Variants in CUBN observed in about 807,000 individuals in gnomAD.
The protein encoded by CUBN is 460 kDa receptor.
A neutral mutation model predicts 405.3 loss-of-function variants in CUBN; 282 were observed. That is an observed-to-expected ratio of 0.70 (90% confidence interval 0.63 to 0.77). The LOEUF is 0.77. CUBN is among the 30% of genes least tolerant of loss of function. The pLI is 0.00. For missense variants in CUBN, 4,514 were observed against 4,475.2 expected (o/e 1.01, Z -0.25); for synonymous variants, 1,684 against 1,617.0 (o/e 1.04, Z -0.99).
At chr10:17,115,024 A>T (rs1836858602) in intron 7 of CUBN, among the ~76,000 whole-genome samples, 1 of 152,076 alleles carries the variant, frequency 6.6e-6, no homozygotes, top group Non-Finnish European at 1.5e-5. Context: ...CGGGTGGATC[A>T]CCTGAGGTCA....
intron 26 of CUBN, 109 bp downstream of exon 26, chr10:17,043,718 C>A: frequency 1.3e-6 from 2 of 1,489,356 alleles, no homozygotes; most frequent in East Asian, 2.3e-5. Flanking sequence ...ACTCTAGGCA[C>A]TGAACAGCGA....
intron 40 of CUBN, 53 bp downstream of exon 40, chr10:16,933,034 A>G (rs1040341420): frequency 6.4e-7 from 1 of 1,560,704 alleles, no homozygotes; most frequent in Non-Finnish European, 8.8e-7. Flanking sequence ...ATAATGGACT[A>G]GAACTAATTA....
At chr10:16,856,780 C>T (rs181907423) in intron 59 of CUBN, among the ~76,000 whole-genome samples, 64 of 152,294 alleles carry the variant, frequency 4.2e-4, no homozygotes, top group Middle Eastern at 3.4e-3. Context: ...GGCTTGACTT[C>T]AGGCCCTCTC....
In CUBN at chr10:17,071,441, TTCAC is replaced by T; in HGVS notation, c.2606_2609del (p.Cys869Ter). ...TCCCTCTTACCTCAACATAATCTGTTTCACAGTGGGCAGAACTTCCAATTTCAAA... is the reference window on the plus strand; with the variant it reads ...TCCCTCTTACCTCAACATAATCTGTTAGTGGGCAGAACTTCCAATTTCAAA... On this transcript the variant is annotated frameshift_variant, in exon 19 of 67. Coordinates refer to ENST00000377833, the MANE Select transcript of CUBN (RefSeq NM_001081.4). LOFTEE classifies it high-confidence loss of function. 3.1e-6 allele frequency: 5 copies of T among 1,613,984 alleles called. No individual in the cohort carries two copies. Among genetic ancestry groups the T allele is most frequent in the Non-Finnish European group, 4.2e-6 (5 of 1,179,914 alleles).
intron 33 of CUBN, among the ~76,000 whole-genome samples, chr10:16,951,587 GTCATGTCCTTGAGGGGCATT>G (rs1329574554): frequency 6.6e-6 from 1 of 152,172 alleles, no homozygotes; most frequent in Non-Finnish European, 1.5e-5. Flanking sequence ...CAGCCATTCT[GTCATGTCCTTGAGGGGCATT>G]TCCTGATGTT....
chr10:16,857,062 G>A (rs938164248), intron 59 of CUBN, among the ~76,000 whole-genome samples: 2 of 152,066 alleles, frequency 1.3e-5, no homozygotes, highest in African/African-American at 2.4e-5. Flanking sequence ...GGTTTCAGAC[G>A]AACCTGTTTT....
intron 31 of CUBN, among the ~76,000 whole-genome samples, chr10:16,968,769 T>C (rs185809435): frequency 2.0e-5 from 3 of 152,340 alleles, no homozygotes; most frequent in Admixed American, 2.0e-4. Flanking sequence ...TACTCAGCCT[T>C]CGTGAAAGGA....
At chr10:17,081,142 C>G (rs1456180697) in intron 17 of CUBN, among the ~76,000 whole-genome samples, 1 of 152,162 alleles carries the variant, frequency 6.6e-6, no homozygotes, top group African/African-American at 2.4e-5. Context: ...TTATGGAACT[C>G]TCTTACTGAG....
In CUBN at chr10:17,129,662, C is replaced by A. The variant is rs1296391131; in HGVS notation, c.104G>T (p.Arg35Ile). The part of the protein sequence containing the change: ...AGELELQRQK[R>I]SINLQQPRMA... ...TACTTACTGTTGGAGATTGATGCTTCTTTTTTGTCTCTGCAGCTCAAGTTC... is the reference window on the plus strand; with the variant it reads ...TACTTACTGTTGGAGATTGATGCTTATTTTTTGTCTCTGCAGCTCAAGTTC... Residue 35 changes from arginine (R) to isoleucine (I), a missense_variant, in exon 1 of 67, where the codon AGA becomes ATA. By Grantham distance (97) the Arg-to-Ile change is moderately conservative. This residue lies in a region of CUBN where 1,448 missense variants were observed against 1,388.0 expected (regional missense o/e 1.04). Coordinates refer to ENST00000377833, the MANE Select transcript of CUBN (RefSeq NM_001081.4). 6.2e-7 allele frequency: 1 copy of A among 1,614,004 alleles called. No homozygotes were observed. Among genetic ancestry groups the A allele is most frequent in the Non-Finnish European group, 8.5e-7 (1 of 1,179,988 alleles).
Position 17,084,349 on chromosome 10 carries a change from G to C in CUBN, c.2223C>G (p.Pro741=). 6.2e-7 allele frequency: 1 copy of C among 1,614,096 alleles called. No homozygotes were observed. Among genetic ancestry groups the C allele is most frequent in the Non-Finnish European group, 8.5e-7 (1 of 1,180,020 alleles). ...AGTTGATTTGTATTTGTTCTCCCTG[G>C]GGCTGCTTCATCATATAGACGCATT... ...TRQCVYMMKQ[P]QGEQIQINFT... is the part of the protein sequence containing the mutation. The change falls in exon 17 of 67, where the codon CCC becomes CCG. Residue 741 remains proline (P), a synonymous_variant. Coordinates refer to ENST00000377833, the MANE Select transcript of CUBN (RefSeq NM_001081.4).
At chr10:17,128,291 T>C (rs182035860) in intron 2 of CUBN, among the ~76,000 whole-genome samples, 1 of 152,342 alleles carries the variant, frequency 6.6e-6, no homozygotes, top group Non-Finnish European at 1.5e-5. Context: ...AGGGTTTCTT[T>C]ACCTCTTGTA....
At chr10:16,851,170 A>G (rs1043054693) in intron 60 of CUBN, 65 bp downstream of exon 60, 2 of 1,325,966 alleles carry the variant, frequency 1.5e-6, no homozygotes, top group African/African-American at 2.9e-5. Flanking sequence ...AACGATATAA[A>G]CTGGAATACA....
chr10:16,916,763 A>G (rs1841895688), intron 45 of CUBN, among the ~76,000 whole-genome samples: 1 of 151,980 alleles, frequency 6.6e-6, no homozygotes, highest in Non-Finnish European at 1.5e-5. Flanking sequence ...TTAAATAAGG[A>G]AATCAAAATG....
chr10:17,123,041 C>T (rs1837083651), intron 5 of CUBN, 143 bp from the exon 6 acceptor site: 1 of 694,256 alleles, frequency 1.4e-6, no homozygotes, highest in African/African-American at 1.8e-5. Flanking sequence ...TGATATTAAC[C>T]CCTGGCTATT....
At chr10:17,102,252 C>CTTATTATTTAT (rs201370313) in intron 13 of CUBN, among the ~76,000 whole-genome samples, 1 of 145,016 alleles carries the variant, frequency 6.9e-6, no homozygotes, top group Non-Finnish European at 1.5e-5. Flanking sequence ...GGAGGATCCT[C>CTTATTATTTAT]CTATTTATTT....
chr10:17,114,061 A>T lies in CUBN; in HGVS notation c.849T>A (p.Thr283=). The change falls in exon 8 of 67, where the codon ACT becomes ACA. Residue 283 remains threonine, a synonymous_variant. Transcript: ENST00000377833. The stretch of plus-strand genomic sequence containing the variant: ...AGGCCCCACAGTAGAAAGAGCCTTG[A>T]GTGTTGAAACACTGCACAAGTGTGG... The part of the protein sequence containing the change: ...PCSTLVQCFN[T]QGSFYCGACP... 6.2e-7 allele frequency: 1 copy of T among 1,613,066 alleles called. No individual in the cohort carries two copies. Among genetic ancestry groups the T allele is most frequent in the Non-Finnish European group, 8.5e-7 (1 of 1,179,632 alleles).
chr10:16,869,766 A>T lies in CUBN; in HGVS notation c.9324T>A (p.Leu3108=), dbSNP rs371453690. 9 of 1,614,004 alleles carry T rather than the reference A, an allele frequency of 5.6e-6. No homozygotes were observed. The African/African-American group carries it at 1.1e-4, about 19-fold the overall frequency. ...IYDGANTSDP[L]LGKFCGSKRP... ...GCTTGGAACCGCAGAATTTGCCAAG[A>T]AGGGGATCGCTGGTATTGGCACCAT... Residue 3108 remains leucine (L), a synonymous_variant, in exon 59 of 67, where the codon CTT becomes CTA. Transcript: ENST00000377833.
Position 17,026,371 on chromosome 10 carries a change from G to A in CUBN, c.4018-6388C>T, listed in dbSNP as rs142153326. Among the ~76,000 whole-genome samples the A allele has an allele frequency of 1.4e-3, 209 of 152,300 alleles. 5 individuals are homozygous for A. In the East Asian group the frequency reaches 0.033, roughly 24 times the overall value. On this transcript the variant is annotated intron_variant, in intron 27 of 66. Coordinates refer to ENST00000377833, the MANE Select transcript of CUBN (RefSeq NM_001081.4). ...ACAGAGGCTGGTTGTGGTGGCTCAC[G>A]CCTGTAATCCCAGCCCTTAGGGAAG...
At chr10:17,107,139 A>G (rs1836653677) in intron 10 of CUBN, among the ~76,000 whole-genome samples, 1 of 152,218 alleles carries the variant, frequency 6.6e-6, no homozygotes, top group Non-Finnish European at 1.5e-5. Context: ...ATGAGGTAAT[A>G]GCTAACAATA....
Sources: allele counts gnomAD v4.1 joint callset (sites outside exome capture counted in the v4.1 genomes callset), GRCh38; gene constraint gnomAD v4.1.1; regional missense constraint gnomAD v4.1.1; transcripts MANE v1.5; gene names NCBI Gene and HGNC (gene_info 2026-07-23, HGNC 2026-07-21).